Variants in FAM234A observed in about 807,000 individuals in gnomAD.
FAM234A encodes protein FAM234A.
FAM234A carries 42 observed loss-of-function variants against 49.1 expected under a neutral mutation model. The observed-to-expected ratio is 0.86, with a 90% CI of 0.67 to 1.11. The LOEUF is 1.11. Among genes scored for constraint, FAM234A ranks in the 50% least tolerant of loss-of-function variants. FAM234A has a pLI of 0.00. For synonymous variants in FAM234A, 369 were observed against 316.2 expected, an observed-to-expected ratio of 1.17 and a Z score of -1.77; for missense variants, 815 against 745.2, an observed-to-expected ratio of 1.09 and a Z score of -1.09.
intron 5 of FAM234A, chr16:260,646 A>G (rs1411138058): frequency 2.1e-6 from 1 of 470,020 alleles, no homozygotes; most frequent in African/African-American, 2.0e-5. Context: ...TGCGTGGTGC[A>G]CGGGGCCATG....
chr16:247,821 G>A (rs1394713284), intron 1 of FAM234A, among the ~76,000 whole-genome samples: 1 of 152,020 alleles, frequency 6.6e-6, no homozygotes, highest in African/African-American at 2.4e-5. Flanking sequence ...CGGCTGGCTC[G>A]GTTTTAGAAA....
At chr16:263,884 G>A in intron 10 of FAM234A, 109 bp downstream of exon 10, 1 of 1,394,592 alleles carries the variant, frequency 7.2e-7, no homozygotes, top group Non-Finnish European at 1.0e-6. Context: ...CAGAGCTGCT[G>A]AGAAGGTTCT....
chr16:236,492 G>A (rs1182353914), intron 1 of FAM234A, among the ~76,000 whole-genome samples: 3 of 151,414 alleles, frequency 2.0e-5, no homozygotes, highest in Non-Finnish European at 2.9e-5. Context: ...GTGTGGTGGC[G>A]CACACCTGTA....
intron 5 of FAM234A, chr16:260,745 T>C (rs1160965232): frequency 4.6e-6 from 2 of 437,616 alleles, no homozygotes; most frequent in Non-Finnish European, 9.8e-6. Context: ...TTACAAGCTG[T>C]CATTTTAAGG....
intron 5 of FAM234A, chr16:260,544 G>A (rs778890577): frequency 2.1e-6 from 1 of 481,332 alleles, no homozygotes; most frequent in South Asian, 1.5e-5. Context: ...GGCCCGTCAG[G>A]GGAGATCGGG....
At chr16:237,241 G>C (rs539844883) in intron 1 of FAM234A, among the ~76,000 whole-genome samples, 1 of 151,884 alleles carries the variant, frequency 6.6e-6, no homozygotes, top group Non-Finnish European at 1.5e-5. Context: ...CTTCCATTCT[G>C]CTGACTTCTA....
chr16:269,648 C>T (rs1254098059), downstream of FAM234A: 15 of 1,301,228 alleles, frequency 1.2e-5, 1 homozygote, highest in Admixed American at 1.1e-4. Flanking sequence ...CAGCTCCACC[C>T]GAAGGAGCAG....
At chr16:240,778 A>G (rs778606605) in intron 1 of FAM234A, among the ~76,000 whole-genome samples, 8 of 152,174 alleles carry the variant, frequency 5.3e-5, no homozygotes, top group Non-Finnish European at 1.2e-4. Context: ...CTGAGATTAC[A>G]GTTGTGAGCT....
In FAM234A at chr16:254,676, C is replaced by G; in HGVS notation, c.263C>G (p.Ala88Gly). 1 of 1,613,180 alleles carries G rather than the reference C, an allele frequency of 6.2e-7. No homozygotes were observed. Among genetic ancestry groups the G allele is most frequent in the South Asian group, 1.1e-5 (1 of 91,020 alleles). ...SQRMWRIDYS[A>G]AVIYDFLAVD... ...CGAATGTGGAGGATAGACTACAGTG[C>G]CGCTGGTGAGCCTCGGCTTCCCCGC... is the stretch of plus-strand genomic sequence containing the variant. The change falls in exon 3 of 13, where the codon GCC (alanine) becomes GGC (glycine). Residue 88 changes from alanine (A) to glycine (G), a missense_variant. Coordinates refer to ENST00000399932, the MANE Select transcript of FAM234A (RefSeq NM_032039.4).
intron 5 of FAM234A, 86 bp downstream of exon 5, chr16:260,246 C>A: frequency 1.6e-6 from 2 of 1,228,074 alleles, no homozygotes; most frequent in Non-Finnish European, 2.4e-6. Flanking sequence ...GAGGCCGCGA[C>A]GAGGCTCAGC....
chr16:255,515 A>G (rs1323647290), intron 3 of FAM234A, among the ~76,000 whole-genome samples: 2 of 152,178 alleles, frequency 1.3e-5, no homozygotes, highest in East Asian at 1.9e-4. Context: ...TTGAGGCTGC[A>G]GTGAGCTGTG....
At chr16:261,264 G>C in intron 5 of FAM234A, 120 bp from the exon 6 acceptor site, 1 of 1,191,718 alleles carries the variant, frequency 8.4e-7, no homozygotes, top group Non-Finnish European at 1.2e-6. Flanking sequence ...TGTGCAGTGA[G>C]CCGTGGGCTC....
downstream of FAM234A, chr16:268,384 C>G (rs1181523772): frequency 3.2e-6 from 1 of 316,940 alleles, no homozygotes; most frequent in African/African-American, 2.1e-5. Context: ...TGAGCCAGCC[C>G]TATGGGTGGG....
chr16:237,667 G>A (rs980218320), intron 1 of FAM234A, among the ~76,000 whole-genome samples: 5 of 151,782 alleles, frequency 3.3e-5, no homozygotes, highest in Admixed American at 6.6e-5. Flanking sequence ...AAGTGATCTC[G>A]GAGTGAAAGT....
rs746450880 is a variant in FAM234A, at chr16:262,121, C to T, written c.737C>T (p.Thr246Ile). 2 of 1,614,040 alleles carry T rather than the reference C, an allele frequency of 1.2e-6. No homozygotes were observed. The highest frequency in any genetic ancestry group is 1.7e-6 in the Non-Finnish European group (2 of 1,180,024). The change falls in exon 7 of 13, where the codon ACC (threonine) becomes ATC (isoleucine). Residue 246 changes from threonine (T) to isoleucine (I), a missense_variant. Transcript: ENST00000399932. ...AGTGGCCACCTCTACTCCGGCAGCA[C>T]CGGGCACCAGATTGGCCTCAGAGGC... ...EVSGHLYSGS[T>I]GHQIGLRGSL...
At chr16:247,438 AT>A (rs997568258) in intron 1 of FAM234A, among the ~76,000 whole-genome samples, 129 of 144,652 alleles carry the variant, frequency 8.9e-4, no homozygotes, top group South Asian at 1.5e-3. Context: ...CTTATTAATG[AT>A]TTTTTTTTTT....
chr16:265,252 A>T lies in FAM234A; in HGVS notation c.*230A>T. ...CGCCCAGCATCCTCCCTGAGTCCCC[A>T]CACAGGGCCTCACTCTGCACCCCAC... On this transcript the variant is annotated 3_prime_UTR_variant, in exon 13 of 13. Transcript: ENST00000399932. The T allele has an allele frequency of 7.3e-7, 1 of 1,361,896 alleles. No homozygotes were observed. Among genetic ancestry groups the T allele is most frequent in the Non-Finnish European group, 9.4e-7 (1 of 1,058,922 alleles). 84.4% of individuals were successfully genotyped at this position (1,361,896 alleles called of 1,614,324 possible). A position where few individuals can be genotyped will look rare whatever the true frequency, so the allele number is the denominator to read the frequency against.
chr16:237,051 G>A (rs1301082038), intron 1 of FAM234A, among the ~76,000 whole-genome samples: 1 of 151,110 alleles, frequency 6.6e-6, no homozygotes, highest in African/African-American at 2.4e-5. Flanking sequence ...ACTGCGCCCA[G>A]CCTGTTTATT....
chr16:259,879 GA>G, intron 4 of FAM234A, 89 bp from the exon 5 acceptor site: 1 of 1,229,768 alleles, frequency 8.1e-7, no homozygotes, highest in Admixed American at 1.9e-5. Context: ...GAGGTGTGAG[GA>G]AAACAGACCT....
Sources: allele counts gnomAD v4.1 joint callset (sites outside exome capture counted in the v4.1 genomes callset), GRCh38; gene constraint gnomAD v4.1.1; transcripts MANE v1.5; gene names NCBI Gene and HGNC (gene_info 2026-07-23, HGNC 2026-07-21).